Variants in CTIF observed in about 807,000 individuals in gnomAD.
The protein encoded by CTIF is cap binding complex dependent translation initiation factor.
Under a neutral mutation model 66.0 loss-of-function variants are expected in CTIF, and 21 were observed. That is an observed-to-expected ratio of 0.32 (90% confidence interval 0.23 to 0.46). The LOEUF (loss-of-function observed/expected upper bound fraction) is 0.46. Ranked by LOEUF, CTIF falls within the 20% of genes least tolerant of loss-of-function variation. The pLI, the probability that CTIF is intolerant of heterozygous loss-of-function variation, is 1.00. For synonymous variants in CTIF, 345 were observed against 326.4 expected (o/e 1.06, Z -0.62); for missense variants, 739 against 812.7 (o/e 0.91, Z 1.10).
intron 2 of CTIF, chr18:48,625,340 A>G: frequency 6.5e-6 from 2 of 305,984 alleles, no homozygotes; most frequent in Non-Finnish European, 9.6e-6. Context: ...TACTTTATGC[A>G]TACATTCCCA....
chr18:48,725,828 G>A (rs1056394578), intron 7 of CTIF, among the ~76,000 whole-genome samples: 29 of 152,232 alleles, frequency 1.9e-4, no homozygotes, highest in African/African-American at 6.5e-4. Context: ...TTGCTCCTAA[G>A]AGCCTAAAAC....
intron 3 of CTIF, among the ~76,000 whole-genome samples, chr18:48,654,913 G>C (rs1021589822): frequency 6.6e-6 from 1 of 151,910 alleles, no homozygotes; most frequent in Non-Finnish European, 1.5e-5. Context: ...TCATAGGTGG[G>C]AACTGAACAA....
At chr18:48,828,815 G>A (rs927555597) in intron 10 of CTIF, among the ~76,000 whole-genome samples, 2 of 152,244 alleles carry the variant, frequency 1.3e-5, no homozygotes, top group African/African-American at 4.8e-5. Context: ...AGTGGGGGCA[G>A]TGAGGGCAGT....
At chr18:48,547,404 C>G (rs551996169) in intron 1 of CTIF, among the ~76,000 whole-genome samples, 3 of 152,292 alleles carry the variant, frequency 2.0e-5, no homozygotes, top group Non-Finnish European at 4.4e-5. Context: ...ACATTGTCTT[C>G]CCATGCTCAG....
At chr18:48,729,416 A>G (rs1451912250) in intron 7 of CTIF, among the ~76,000 whole-genome samples, 1 of 152,230 alleles carries the variant, frequency 6.6e-6, no homozygotes, top group Non-Finnish European at 1.5e-5. Context: ...ACTGACAGAG[A>G]AGGCTTCCTT....
rs928615358 is a variant in CTIF, at chr18:48,615,064, T to TA, written c.-28-4467dup. ...TGTGCGACCATGCTCAGCTAATTTTTAAAAAAATTTTTGGAAAGACGAGGT... is the reference window on the plus strand; with the variant it reads ...TGTGCGACCATGCTCAGCTAATTTTTAAAAAAAATTTTTGGAAAGACGAGGT... On this transcript the variant is annotated intron_variant, in intron 1 of 11. Coordinates refer to ENST00000256413, the MANE Select transcript of CTIF (RefSeq NM_014772.3). 2.2e-4 allele frequency among the ~76,000 whole-genome samples: 33 copies of TA among 152,170 alleles called. 1 individual carries two copies. Among genetic ancestry groups the TA allele is most frequent in the African/African-American group, 7.7e-4 (32 of 41,534 alleles).
At chr18:48,816,058 G>A (rs187046669) in intron 9 of CTIF, among the ~76,000 whole-genome samples, 12 of 152,286 alleles carry the variant, frequency 7.9e-5, no homozygotes, top group Admixed American at 5.9e-4. Flanking sequence ...AGCAGTAAGC[G>A]TGCATGTAGA....
At position 48,669,691 on chromosome 18, in the gene CTIF, CAT is replaced by C. The variant is rs779911687; in HGVS notation, c.432-975_432-974del. Among the ~76,000 whole-genome samples, 51 of 149,258 alleles carry C rather than the reference CAT, an allele frequency of 3.4e-4. 1 individual carries two copies. The highest frequency in any genetic ancestry group is 1.5e-3 in the South Asian group (7 of 4,666). On this transcript the variant is annotated intron_variant, in intron 5 of 11. Transcript: ENST00000256413. ...ATTATTACCAGTATTTACCATTAAA[CAT>C]ATGTGTGTATGTTTAAGATATATTT... is the stretch of plus-strand genomic sequence containing the variant.
At position 48,619,576 on chromosome 18, in the gene CTIF, C is replaced by T; in HGVS notation, c.11C>T (p.Ser4Phe). The T allele has an allele frequency of 6.4e-7, 1 of 1,571,652 alleles. No homozygotes were observed. Among genetic ancestry groups the T allele is most frequent in the Non-Finnish European group, 8.6e-7 (1 of 1,158,948 alleles). The change falls in exon 2 of 12, where the codon TCC (serine) becomes TTC (phenylalanine). Residue 4 changes from serine to phenylalanine, a missense_variant. By Grantham distance (155) the Ser-to-Phe change is radical. Coordinates refer to ENST00000256413, the MANE Select transcript of CTIF (RefSeq NM_014772.3). ...CCCTGAGCTGGAGGGATGGAAAACT[C>T]CTCTGCAGCATCAGCCTCCTCGGAG... MEN[S>F]SAASASSEAG... is the part of the protein sequence containing the mutation.
At chr18:48,574,287 C>T (rs2143699958) in intron 1 of CTIF, among the ~76,000 whole-genome samples, 1 of 152,308 alleles carries the variant, frequency 6.6e-6, no homozygotes, top group South Asian at 2.1e-4. Flanking sequence ...TTAAATAATT[C>T]CCTGACTATC....
chr18:48,849,122 C>T (rs1308802503), intron 10 of CTIF, among the ~76,000 whole-genome samples: 1 of 151,216 alleles, frequency 6.6e-6, no homozygotes, highest in Non-Finnish European at 1.5e-5. Flanking sequence ...TGCAGCTCGT[C>T]TTCCAGAGGT....
chr18:48,628,165 C>A (rs1194591231), intron 2 of CTIF, among the ~76,000 whole-genome samples: 2 of 152,164 alleles, frequency 1.3e-5, no homozygotes, highest in Non-Finnish European at 2.9e-5. Context: ...CTATGCAAGA[C>A]CCTGGAAGAG....
intron 4 of CTIF, 121 bp downstream of exon 4, chr18:48,663,946 A>T (rs1449570940): frequency 1.1e-6 from 1 of 911,390 alleles, no homozygotes; most frequent in Non-Finnish European, 1.8e-6. Context: ...AGAGTAGGGG[A>T]TGTAGGAAGG....
At chr18:48,566,206 T>C (rs1479011473) in intron 1 of CTIF, 1 of 152,172 alleles carries the variant, frequency 6.6e-6, no homozygotes, top group African/African-American at 2.4e-5. Context: ...AATAAAACCA[T>C]CAACAAGAGA....
chr18:48,723,632 C>T (rs948360203), intron 7 of CTIF, among the ~76,000 whole-genome samples: 5 of 152,170 alleles, frequency 3.3e-5, no homozygotes, highest in Non-Finnish European at 7.3e-5. Context: ...GAGCTTCCTC[C>T]AGCTGTTGGC....
At chr18:48,728,753 A>AGAGAGAGAGAGAGAGAGAGAGAGAGG (rs1406010185) in intron 7 of CTIF, among the ~76,000 whole-genome samples, 2 of 150,168 alleles carry the variant, frequency 1.3e-5, no homozygotes, top group African/African-American at 5.0e-5. Flanking sequence ...AGAGAGAGAG[A>AGAGAGAGAGAGAGAGAGAGAGAGAGG]GAGAGAGAGA....
intron 1 of CTIF, among the ~76,000 whole-genome samples, chr18:48,560,217 T>C (rs572104468): frequency 6.6e-6 from 1 of 151,340 alleles, no homozygotes; most frequent in East Asian, 1.9e-4. Context: ...TTCATAGAAT[T>C]TGGAGGCTAT....
intron 2 of CTIF, among the ~76,000 whole-genome samples, chr18:48,633,154 G>A (rs569115395): frequency 6.6e-6 from 1 of 152,274 alleles, no homozygotes; most frequent in East Asian, 1.9e-4. Context: ...TGTTCAGGAT[G>A]CCTGGAAGGG....
intron 1 of CTIF, among the ~76,000 whole-genome samples, chr18:48,550,561 G>A (rs958166582): frequency 6.6e-6 from 1 of 152,192 alleles, no homozygotes; most frequent in Admixed American, 6.5e-5. Context: ...CAAGCTAAGA[G>A]ACAAATCTGT....
Sources: allele counts gnomAD v4.1 joint callset (sites outside exome capture counted in the v4.1 genomes callset), GRCh38; gene constraint gnomAD v4.1.1; transcripts MANE v1.5; gene names NCBI Gene and HGNC (gene_info 2026-07-23, HGNC 2026-07-21).